Variants in SLC16A10 observed in about 807,000 individuals in gnomAD.
SLC16A10 encodes monocarboxylate transporter 10.
Under a neutral mutation model 40.0 loss-of-function variants are expected in SLC16A10, and 27 were observed. The ratio of observed to expected loss-of-function variants is 0.67; its 90% CI spans 0.50 to 0.93. SLC16A10 has a LOEUF of 0.93. SLC16A10 is among the 40% of genes least tolerant of loss of function. SLC16A10 has a pLI of 0.00. For synonymous variants in SLC16A10, 213 were observed against 249.8 expected, an observed-to-expected ratio of 0.85 and a Z score of 1.39; for missense variants, 529 against 658.2, an observed-to-expected ratio of 0.80 and a Z score of 2.15.
intron 1 of SLC16A10, chr6:111,091,101 C>T (rs1297188902): frequency 6.6e-6 from 1 of 152,168 alleles, no homozygotes; most frequent in African/African-American, 2.4e-5. Flanking sequence ...TCTTTCTTTT[C>T]AGATATGGGA....
At chr6:111,130,393 T>C (rs1444502105) in intron 1 of SLC16A10, among the ~76,000 whole-genome samples, 1 of 152,248 alleles carries the variant, frequency 6.6e-6, no homozygotes, top group Non-Finnish European at 1.5e-5. Context: ...TTCACTGACA[T>C]GTTGCTAGTT....
In SLC16A10 at chr6:111,162,239, G is replaced by C. The variant is rs184792561; in HGVS notation, c.344-10456G>C. 4.1e-4 allele frequency among the ~76,000 whole-genome samples: 62 copies of C among 152,228 alleles called. 2 individuals carry two copies. In the East Asian group the frequency reaches 0.011, roughly 27 times the overall value. ...GCAAGAATAATTATTTTTCACACAG[G>C]CTTTTAAAATTGGCTTTGATGGAAC... On this transcript the variant is annotated intron_variant, in intron 1 of 5. Transcript: ENST00000368851.
At chr6:111,219,834 C>T (rs1445272538) in intron 5 of SLC16A10, among the ~76,000 whole-genome samples, 1 of 152,104 alleles carries the variant, frequency 6.6e-6, no homozygotes, top group Admixed American at 6.5e-5. Flanking sequence ...AATCCCAGCA[C>T]TTTGAGAGGC....
chr6:111,172,647 A>G lies in SLC16A10; in HGVS notation c.344-48A>G, dbSNP rs751940934. On this transcript the variant is annotated intron_variant, in intron 1 of 5. Coordinates refer to ENST00000368851, the MANE Select transcript of SLC16A10 (RefSeq NM_018593.5). ...TTATATCAATGGAATAAATACAAAT[A>G]TAACTTACCATGTCATAATTCCCCC... The G allele has an allele frequency of 2.5e-6, 4 of 1,592,140 alleles. No individual in the cohort carries two copies. In the South Asian group the frequency reaches 3.4e-5, roughly 14 times the overall value.
chr6:111,221,871 T>G, intron 5 of SLC16A10, 132 bp from the exon 6 acceptor site: 1 of 705,500 alleles, frequency 1.4e-6, no homozygotes, highest in Non-Finnish European at 2.2e-6. Flanking sequence ...AAAGGGTTTA[T>G]ATTTCAGATC....
At chr6:111,211,022 CAA>C (rs36044806) in intron 4 of SLC16A10, among the ~76,000 whole-genome samples, 112 of 119,552 alleles carry the variant, frequency 9.4e-4, no homozygotes, top group Admixed American at 1.2e-3. Context: ...GACTCCGTCT[CAA>C]AAAAAAAAAA....
intron 1 of SLC16A10, among the ~76,000 whole-genome samples, chr6:111,120,818 G>A (rs1379399874): frequency 6.6e-6 from 1 of 152,122 alleles, no homozygotes; most frequent in Non-Finnish European, 1.5e-5. Context: ...TGCTTAGTGT[G>A]TGTTTGTTTT....
At chr6:111,173,219 A>G (rs1355830333) in intron 2 of SLC16A10, among the ~76,000 whole-genome samples, 2 of 152,208 alleles carry the variant, frequency 1.3e-5, no homozygotes, top group Admixed American at 6.5e-5. Context: ...ACGGGTTACA[A>G]TAAGTGGTGT....
At chr6:111,205,883 C>T (rs1321170039) in intron 3 of SLC16A10, among the ~76,000 whole-genome samples, 4 of 152,160 alleles carry the variant, frequency 2.6e-5, no homozygotes, top group Non-Finnish European at 5.9e-5. Flanking sequence ...GGTCCAGGTC[C>T]TCCTGGAAGA....
At position 111,143,814 on chromosome 6, in the gene SLC16A10, G is replaced by A. The variant is rs77110166; in HGVS notation, c.344-28881G>A. 2.4e-4 allele frequency among the ~76,000 whole-genome samples: 36 copies of A among 152,190 alleles called. 1 individual carries two copies. The East Asian group carries it at 4.6e-3, about 20-fold the overall frequency. ...CCATAGATTCTATAATACCAACAGT[G>A]AACCTTAATATAAACTATGGACTTT... is the stretch of plus-strand genomic sequence containing the variant. On this transcript the variant is annotated intron_variant, in intron 1 of 5. Coordinates refer to ENST00000368851, the MANE Select transcript of SLC16A10 (RefSeq NM_018593.5).
At chr6:111,172,860 T>C (rs753083819) in intron 2 of SLC16A10, 21 bp downstream of exon 2, 61 of 1,607,850 alleles carry the variant, frequency 3.8e-5, no homozygotes, top group Non-Finnish European at 4.8e-5. Flanking sequence ...GGTTTTTTCA[T>C]GTTGCTTTTT....
chr6:111,195,457 T>G (rs926136751), intron 3 of SLC16A10, among the ~76,000 whole-genome samples: 1 of 152,190 alleles, frequency 6.6e-6, no homozygotes, highest in Non-Finnish European at 1.5e-5. Flanking sequence ...GTAAATGTAC[T>G]TAATATAGTA....
intron 1 of SLC16A10, among the ~76,000 whole-genome samples, chr6:111,117,645 T>C (rs994804058): frequency 1.3e-5 from 2 of 152,196 alleles, no homozygotes; most frequent in African/African-American, 4.8e-5. Context: ...TGGTTTTTGC[T>C]TCACCACCGA....
At chr6:111,147,050 A>G (rs912507155) in intron 1 of SLC16A10, among the ~76,000 whole-genome samples, 6 of 152,202 alleles carry the variant, frequency 3.9e-5, no homozygotes, top group African/African-American at 1.4e-4. Context: ...GGCTGAGGGA[A>G]GGAGGAATGG....
chr6:111,117,312 A>G (rs1407423833), intron 1 of SLC16A10, among the ~76,000 whole-genome samples: 1 of 136,180 alleles, frequency 7.3e-6, no homozygotes, highest in Non-Finnish European at 1.5e-5. Flanking sequence ...AGATCAAGCC[A>G]CTGCACTCCA....
intron 1 of SLC16A10, among the ~76,000 whole-genome samples, chr6:111,122,475 G>C (rs1308494811): frequency 1.3e-5 from 2 of 152,146 alleles, no homozygotes; most frequent in Admixed American, 1.3e-4. Flanking sequence ...CTGTGGGCTG[G>C]CTGGGGAGGA....
At chr6:111,184,549 T>C (rs998235826) in intron 3 of SLC16A10, among the ~76,000 whole-genome samples, 1 of 151,918 alleles carries the variant, frequency 6.6e-6, no homozygotes, top group East Asian at 1.9e-4. Context: ...CGGCATGCTC[T>C]CGGCTCACTG....
At position 111,088,425 on chromosome 6, in the gene SLC16A10, A is replaced by G. The variant is rs1770911067; in HGVS notation, c.343+330A>G. ...TTCCTTTTATTGTTTGAAAACAAAC[A>G]GAACCCCAGAACCTTCAACCCCAGT... is the stretch of plus-strand genomic sequence containing the variant. On this transcript the variant is annotated intron_variant, in intron 1 of 5. Transcript: ENST00000368851. Among the ~76,000 whole-genome samples, 3 of 152,336 alleles carry G rather than the reference A, an allele frequency of 2.0e-5. No individual in the cohort carries two copies. The South Asian group carries it at 6.2e-4, about 32-fold the overall frequency.
At chr6:111,177,777 AT>A (rs1772714108) in intron 3 of SLC16A10, 112 bp downstream of exon 3, 1 of 958,022 alleles carries the variant, frequency 1.0e-6, no homozygotes, top group Non-Finnish European at 1.5e-6. Context: ...CCTGGTTGTA[AT>A]TTTGGTATTC....
Sources: allele counts gnomAD v4.1 joint callset (sites outside exome capture counted in the v4.1 genomes callset), GRCh38; gene constraint gnomAD v4.1.1; transcripts MANE v1.5; gene names NCBI Gene and HGNC (gene_info 2026-07-23, HGNC 2026-07-21).